Variants in ECT2L observed in about 807,000 individuals in gnomAD.
ECT2L encodes epithelial cell-transforming sequence 2 oncogene-like.
ECT2L carries 126 observed loss-of-function variants against 122.8 expected under a neutral mutation model. The observed-to-expected ratio is 1.03, with a 90% CI of 0.89 to 1.19. The LOEUF is 1.19. Among genes scored for constraint, ECT2L ranks in the 50% most tolerant of loss-of-function variants. The probability of loss-of-function intolerance (pLI) is 0.00; values close to 1 mark genes in which losing one functional copy is unlikely to be tolerated. For missense variants in ECT2L, 1,012 were observed against 1,064.1 expected, an observed-to-expected ratio of 0.95 and a Z score of 0.68; for synonymous variants, 385 against 381.8, an observed-to-expected ratio of 1.01 and a Z score of -0.10.
intron 12 of ECT2L, among the ~76,000 whole-genome samples, chr6:138,865,553 A>C (rs1778005631): frequency 6.6e-6 from 1 of 152,226 alleles, no homozygotes; most frequent in Non-Finnish European, 1.5e-5. Context: ...AAATTGTTCT[A>C]CAATTAAAGT....
chr6:138,829,962 G>T (rs9376373), intron 4 of ECT2L, among the ~76,000 whole-genome samples: 1 of 152,044 alleles, frequency 6.6e-6, no homozygotes, highest in Non-Finnish European at 1.5e-5. Flanking sequence ...GTCCTGAAGC[G>T]ATCTGCCAAC....
chr6:138,872,900 T>C (rs1241336660), intron 13 of ECT2L, among the ~76,000 whole-genome samples: 1 of 152,152 alleles, frequency 6.6e-6, no homozygotes, highest in Non-Finnish European at 1.5e-5. Context: ...ACTAAGGTGC[T>C]TCCTCCTCTG....
At chr6:138,850,534 T>TTTG (rs1562473949) in intron 9 of ECT2L, among the ~76,000 whole-genome samples, 1 of 151,788 alleles carries the variant, frequency 6.6e-6, no homozygotes, top group Non-Finnish European at 1.5e-5. Flanking sequence ...ATATAGTATG[T>TTTG]TTTATCTGTT....
intron 9 of ECT2L, 124 bp downstream of exon 9, chr6:138,849,558 A>G (rs1480844845): frequency 3.2e-6 from 3 of 943,384 alleles, no homozygotes; most frequent in Non-Finnish European, 3.0e-6. Context: ...TTTTGGCTTT[A>G]TGAAAAAAGC....
chr6:138,900,855 T>C, intron 20 of ECT2L, 93 bp from the exon 21 acceptor site: 1 of 1,356,520 alleles, frequency 7.4e-7, no homozygotes, highest in Non-Finnish European at 1.0e-6. Flanking sequence ...GGTAAAAGCC[T>C]TGACTAGTGA....
intron 9 of ECT2L, among the ~76,000 whole-genome samples, chr6:138,851,013 A>AAAAAAAAAAAG (rs1777428294): frequency 1.3e-5 from 2 of 148,228 alleles, no homozygotes; most frequent in African/African-American, 5.2e-5. Flanking sequence ...AAAAAAAAAA[A>AAAAAAAAAAAG]AAAAAAAAAA....
At chr6:138,882,466 T>C (rs1485766665) in intron 15 of ECT2L, among the ~76,000 whole-genome samples, 3 of 152,136 alleles carry the variant, frequency 2.0e-5, no homozygotes, top group Non-Finnish European at 4.4e-5. Context: ...AGCAGCTGTA[T>C]TGTGGCCATT....
chr6:138,846,211 T>C (rs943237379), intron 7 of ECT2L, among the ~76,000 whole-genome samples: 1 of 152,140 alleles, frequency 6.6e-6, no homozygotes, highest in Non-Finnish European at 1.5e-5. Flanking sequence ...AAATTCAAAA[T>C]CTCTCAGCTA....
At chr6:138,855,786 A>G (rs1359298479) in intron 10 of ECT2L, among the ~76,000 whole-genome samples, 1 of 152,208 alleles carries the variant, frequency 6.6e-6, no homozygotes, top group Non-Finnish European at 1.5e-5. Context: ...CTCCCTTTTA[A>G]AAAATGTATT....
intron 13 of ECT2L, among the ~76,000 whole-genome samples, chr6:138,872,866 G>A (rs138575036): frequency 6.6e-6 from 1 of 152,020 alleles, no homozygotes; most frequent in East Asian, 1.9e-4. Context: ...CCCCTCTTTG[G>A]AGCAAGAAAG....
rs75911527 is a variant in ECT2L at position 138,854,984 on chromosome 6, G to A, written c.1198+830G>A. Among the ~76,000 whole-genome samples the A allele has an allele frequency of 8.7e-3, 1,306 of 150,690 alleles. 21 individuals are homozygous for A. Among genetic ancestry groups the A allele is most frequent in the African/African-American group, 0.03 (1,237 of 41,294 alleles). On this transcript the variant is annotated intron_variant, in intron 10 of 21. Transcript: ENST00000541398. ...AAATTTTCTCATACTGTTTTTTTTT[G>A]TTGTTGTTGTTAGCCATTCCTTGGG...
chr6:138,817,055 G>C (rs1776092931), intron 4 of ECT2L, among the ~76,000 whole-genome samples: 2 of 152,174 alleles, frequency 1.3e-5, no homozygotes, highest in South Asian at 4.1e-4. Flanking sequence ...GACAGTATGT[G>C]GTCTTTTGTG....
Position 138,797,554 on chromosome 6 carries a change from G to A in ECT2L, c.-244+1362G>A, listed in dbSNP as rs913992159. 2.0e-5 allele frequency among the ~76,000 whole-genome samples: 3 copies of A among 151,988 alleles called. No individual in the cohort carries two copies. The East Asian group carries it at 5.8e-4, about 29-fold the overall frequency. On this transcript the variant is annotated intron_variant, in intron 1 of 21. Transcript: ENST00000541398. Reference sequence around the variant, plus strand: ...AGTTAATTGACATCATTGCTCTTCTGTGTGATCCCAGTGAGGATTTAGCTC... The same window carrying A: ...AGTTAATTGACATCATTGCTCTTCTATGTGATCCCAGTGAGGATTTAGCTC...
intron 21 of ECT2L, among the ~76,000 whole-genome samples, chr6:138,901,464 A>G (rs1035584142): frequency 6.6e-6 from 1 of 152,206 alleles, no homozygotes; most frequent in Admixed American, 6.5e-5. Flanking sequence ...ACAGTCTTAA[A>G]GCATATTTTA....
rs570611543 is a variant in ECT2L at position 138,809,437 on chromosome 6, G to T, written c.-243-3401G>T. ...GCTAAGATCAAGCCACTGCACTCCA[G>T]CCTGGGCAACAGAGCAAGACCCTGT... On this transcript the variant is annotated intron_variant, in intron 1 of 21. Transcript: ENST00000541398. Among the ~76,000 whole-genome samples, 5 of 152,284 alleles carry T rather than the reference G, an allele frequency of 3.3e-5. No homozygotes were observed. In the South Asian group the frequency reaches 8.3e-4, roughly 25 times the overall value.
At chr6:138,846,370 C>T (rs1180061152) in intron 7 of ECT2L, among the ~76,000 whole-genome samples, 169 bp from the exon 8 acceptor site, 1 of 152,162 alleles carries the variant, frequency 6.6e-6, no homozygotes, top group African/African-American at 2.4e-5. Flanking sequence ...CCTCACTACA[C>T]CCAGGAGCTC....
At chr6:138,878,550 G>A (rs1188628459) in intron 14 of ECT2L, among the ~76,000 whole-genome samples, 1 of 152,136 alleles carries the variant, frequency 6.6e-6, no homozygotes, top group Non-Finnish European at 1.5e-5. Flanking sequence ...AGGTTCCAGT[G>A]ATTCTACTGC....
chr6:138,820,008 T>C (rs1406794046), intron 4 of ECT2L, among the ~76,000 whole-genome samples: 3 of 152,246 alleles, frequency 2.0e-5, no homozygotes, highest in Non-Finnish European at 4.4e-5. Flanking sequence ...CCCCTTGTCT[T>C]TCTTCAATTC....
intron 14 of ECT2L, among the ~76,000 whole-genome samples, chr6:138,880,609 T>C (rs769689676): frequency 6.6e-6 from 1 of 152,154 alleles, no homozygotes; most frequent in Non-Finnish European, 1.5e-5. Flanking sequence ...GTAACCTCCA[T>C]GAAGACAGGA....
Sources: gnomAD v4.1 joint callset for allele counts (sites outside exome capture counted in the v4.1 genomes callset) on GRCh38, gnomAD v4.1.1 for gene constraint, MANE v1.5 for transcripts, NCBI Gene and HGNC (gene_info 2026-07-23, HGNC 2026-07-21) for gene names.